The following PTPRQ variants were observed in gnomAD, a reference collection of about 807,000 sequenced individuals.
PTPRQ encodes phosphatidylinositol phosphatase PTPRQ.
PTPRQ carries 199 observed loss-of-function variants against 246.0 expected under a neutral mutation model. That is an observed-to-expected ratio of 0.81 (90% CI 0.72 to 0.91). The LOEUF is 0.91. Among genes scored for constraint, PTPRQ ranks in the 40% least tolerant of loss-of-function variants. The pLI, the probability that PTPRQ is intolerant of heterozygous loss-of-function variation, is 0.00. For synonymous variants in PTPRQ, 869 were observed against 853.2 expected (o/e 1.02, Z -0.32); for missense variants, 2,624 against 2,528.4 (o/e 1.04, Z -0.81).
rs1468854835 is a variant in PTPRQ at position 80,606,512 on chromosome 12, A to G, written c.4731+1332A>G. Among the ~76,000 whole-genome samples the G allele has an allele frequency of 2.9e-4, 44 of 150,938 alleles. No homozygotes were observed. In the Admixed American group the frequency reaches 2.9e-3, roughly 10 times the overall value. On this transcript the variant is annotated intron_variant, in intron 27 of 44. Transcript: ENST00000644991. The stretch of plus-strand genomic sequence containing the variant: ...TGCAGAACTGTTAGCCAGAATAAAG[A>G]CTGGAAGTATTTCCTTTGCACCCTG...
chr12:80,609,452 A>C (rs569996212), intron 27 of PTPRQ, among the ~76,000 whole-genome samples: 1 of 150,758 alleles, frequency 6.6e-6, no homozygotes, highest in African/African-American at 2.4e-5. Flanking sequence ...GTTTCAATTA[A>C]GATACCTGAA....
At position 80,658,047 on chromosome 12, in the gene PTPRQ, G is replaced by A. The variant is rs1285145988; in HGVS notation, c.6178G>A (p.Ala2060Thr). ...ASVPGSDYIN[A>T]SYISGYLCPN... ...TGTTCCAGGTTCGGATTATATTAAT[G>A]CCAGCTATATTTCTGTAAGTTACTA... Residue 2060 changes from alanine (A) to threonine (T), a missense_variant, in exon 39 of 45, where the codon GCC becomes ACC. Physicochemically the swap from Ala to Thr is moderately conservative, Grantham distance 58 (BLOSUM62 0). Transcript: ENST00000644991. 1 of 1,406,550 alleles carries A rather than the reference G, an allele frequency of 7.1e-7. No homozygotes were observed. Among genetic ancestry groups the A allele is most frequent in the South Asian group, 1.8e-5 (1 of 56,888 alleles). The allele number at this position is 1,406,550 out of a possible 1,614,324, so 87.1% of individuals were successfully genotyped here.
chr12:80,567,416 G>A (rs1041857352), intron 25 of PTPRQ, among the ~76,000 whole-genome samples: 14 of 152,154 alleles, frequency 9.2e-5, no homozygotes, highest in African/African-American at 2.4e-4. Context: ...AATTCAATGA[G>A]TTTTGACAAG....
In PTPRQ at chr12:80,610,360, C is replaced by T. The variant is rs192009124; in HGVS notation, c.4732-79C>T. On this transcript the variant is annotated intron_variant, in intron 27 of 44. Transcript: ENST00000644991. The stretch of plus-strand genomic sequence containing the variant: ...AATTTGGCTAGATAAATACATCTCA[C>T]GTAGCTTTGTATTATTATGTTTTGG... The T allele has an allele frequency of 3.2e-3, 4,015 of 1,266,080 alleles. 11 individuals are homozygous for T. The highest frequency in any genetic ancestry group is 3.8e-3 in the Non-Finnish European group (3,743 of 978,524). The allele number at this position is 1,266,080 out of a possible 1,614,324, so 78.4% of individuals were successfully genotyped here.
intron 6 of PTPRQ, among the ~76,000 whole-genome samples, chr12:80,467,801 G>A (rs1309793815): frequency 6.6e-6 from 1 of 151,500 alleles, no homozygotes; most frequent in Non-Finnish European, 1.5e-5. Context: ...GGTGGGAATT[G>A]AACAATGAGA....
chr12:80,655,733 T>C (rs1437874507), intron 38 of PTPRQ, among the ~76,000 whole-genome samples: 1 of 152,078 alleles, frequency 6.6e-6, no homozygotes, highest in African/African-American at 2.4e-5. Context: ...CTGAAGAAAA[T>C]TTATTTTCCC....
chr12:80,621,991 C>A, intron 32 of PTPRQ, 70 bp from the exon 33 acceptor site: 1 of 1,050,022 alleles, frequency 9.5e-7, no homozygotes, highest in Non-Finnish European at 1.3e-6. Context: ...TTTATAATTA[C>A]TTCTTGAGTT....
At chr12:80,603,904 C>A (rs1898224394) in intron 26 of PTPRQ, among the ~76,000 whole-genome samples, 3 of 151,444 alleles carry the variant, frequency 2.0e-5, no homozygotes, top group Admixed American at 1.3e-4. Flanking sequence ...TTTTATGATA[C>A]CTTGGTAATT....
intron 17 of PTPRQ, among the ~76,000 whole-genome samples, chr12:80,525,722 T>C (rs1455923025): frequency 6.6e-6 from 1 of 152,038 alleles, no homozygotes; most frequent in Non-Finnish European, 1.5e-5. Context: ...TGTATGTGTA[T>C]GTGGTTCTAC....
intron 20 of PTPRQ, among the ~76,000 whole-genome samples, chr12:80,540,916 A>G (rs564971145): frequency 5.8e-4 from 88 of 152,238 alleles, no homozygotes; most frequent in Non-Finnish European, 1.0e-3. Context: ...CTTACTATGC[A>G]CTACTCCAGG....
rs374461334 is a variant in PTPRQ, at chr12:80,635,072, C to A, written c.5914C>A (p.Arg1972=). 6 of 1,550,576 alleles carry A rather than the reference C, an allele frequency of 3.9e-6. No individual in the cohort carries two copies. The African/African-American group carries it at 6.8e-5, about 18-fold the overall frequency. The part of the protein sequence containing the change: ...DLELKDERLT[R]LLSYRKSIKP... ...GGAACTGAAGGACGAGAGATTAACG[C>A]GGTGAGCACACTCCTCTGGGTGAAC... The change falls in exon 35 of 45, where the codon CGG becomes AGG. Residue 1972 remains arginine, a splice_region_variant and synonymous_variant. Coordinates refer to ENST00000644991, the MANE Select transcript of PTPRQ (RefSeq NM_001145026.2).
At chr12:80,501,866 T>C (rs1226462760) in intron 14 of PTPRQ, among the ~76,000 whole-genome samples, 4 of 151,700 alleles carry the variant, frequency 2.6e-5, no homozygotes, top group Non-Finnish European at 5.9e-5. Flanking sequence ...GGGAGGTCAT[T>C]GGTGACTTCA....
chr12:80,669,485 C>G (rs1163041), intron 41 of PTPRQ, 21 bp downstream of exon 41: 101 of 1,531,096 alleles, frequency 6.6e-5, no homozygotes, highest in Non-Finnish European at 8.7e-5. Context: ...AAGGGGGGGA[C>G]GAGAGAACAT....
intron 33 of PTPRQ, among the ~76,000 whole-genome samples, chr12:80,622,517 TC>T (rs1345456467): frequency 6.6e-6 from 1 of 152,002 alleles, no homozygotes; most frequent in East Asian, 1.9e-4. Context: ...CTGCTAAATT[TC>T]CACAATGCAC....
At chr12:80,555,534 T>C (rs1411561421) in intron 25 of PTPRQ, among the ~76,000 whole-genome samples, 1 of 152,178 alleles carries the variant, frequency 6.6e-6, no homozygotes, top group Non-Finnish European at 1.5e-5. Context: ...GCTTTCCTCA[T>C]CCATCTCCTG....
chr12:80,472,820 A>T (rs1893682827), intron 8 of PTPRQ, among the ~76,000 whole-genome samples: 1 of 152,184 alleles, frequency 6.6e-6, no homozygotes, highest in Admixed American at 6.6e-5. Flanking sequence ...TACTTTAAAA[A>T]GAATGTTTCC....
chr12:80,532,173 C>T (rs1895862678), intron 17 of PTPRQ, among the ~76,000 whole-genome samples: 1 of 151,820 alleles, frequency 6.6e-6, no homozygotes, highest in African/African-American at 2.4e-5. Context: ...TGATGTAATG[C>T]AATTAGATTA....
chr12:80,629,924 C>T (rs763522065), intron 33 of PTPRQ, among the ~76,000 whole-genome samples: 4 of 152,152 alleles, frequency 2.6e-5, no homozygotes, highest in Non-Finnish European at 5.9e-5. Context: ...TAATAATTAA[C>T]ATTTGGCCAC....
intron 35 of PTPRQ, among the ~76,000 whole-genome samples, chr12:80,644,975 G>A (rs1297564527): frequency 6.6e-6 from 1 of 152,000 alleles, no homozygotes; most frequent in Non-Finnish European, 1.5e-5. Context: ...GGTATTTGAA[G>A]ATTTCAACTC....
Sources: gnomAD v4.1 joint callset for allele counts (sites outside exome capture counted in the v4.1 genomes callset) on GRCh38, gnomAD v4.1.1 for gene constraint, MANE v1.5 for transcripts, NCBI Gene and HGNC (gene_info 2026-07-23, HGNC 2026-07-21) for gene names.